The following DNAH6 variants were observed in gnomAD, a reference collection of about 807,000 sequenced individuals.
The protein encoded by DNAH6 is axonemal beta dynein heavy chain 6.
DNAH6 carries 340 observed loss-of-function variants against 491.4 expected under a neutral mutation model. That is an observed-to-expected ratio of 0.69 (90% CI 0.63 to 0.76). The LOEUF (loss-of-function observed/expected upper bound fraction) is 0.76. DNAH6 is among the 30% of genes least tolerant of loss of function. The probability of loss-of-function intolerance (pLI) is 0.00; values close to 1 mark genes in which losing one functional copy is unlikely to be tolerated. For missense variants in DNAH6, 4,443 were observed against 4,972.2 expected, an observed-to-expected ratio of 0.89 and a Z score of 3.20; for synonymous variants, 1,603 against 1,686.1, an observed-to-expected ratio of 0.95 and a Z score of 1.21.
At chr2:84,703,197 A>G (rs779034504) in intron 49 of DNAH6, among the ~76,000 whole-genome samples, 198 bp from the exon 50 acceptor site, 1 of 152,256 alleles carries the variant, frequency 6.6e-6, no homozygotes, top group Non-Finnish European at 1.5e-5. Flanking sequence ...AACAACTGTG[A>G]TGAATGTCAT....
intron 14 of DNAH6, 47 bp downstream of exon 14, chr2:84,579,726 G>A: frequency 6.8e-7 from 1 of 1,473,026 alleles, no homozygotes; most frequent in Non-Finnish European, 9.1e-7. Context: ...TCTTATAGTA[G>A]GAAGGAAGAC....
chr2:84,583,271 A>T (rs10174924), intron 14 of DNAH6, among the ~76,000 whole-genome samples: 2 of 152,284 alleles, frequency 1.3e-5, no homozygotes, highest in Non-Finnish European at 2.9e-5. Flanking sequence ...CTCTGGGATG[A>T]TCACTGCCCA....
In DNAH6 at chr2:84,641,855, AG is replaced by A; in HGVS notation, c.4971-88del. The stretch of plus-strand genomic sequence containing the variant: ...TCTTCTCCTTCTAACAGGAATCCTC[AG>A]GGGAAGGGCTCTGCCCTCCCCACAG... On this transcript the variant is annotated intron_variant, in intron 32 of 76. Transcript: ENST00000389394. The A allele has an allele frequency of 3.1e-6, 3 of 958,152 alleles. No homozygotes were observed. In the South Asian group the frequency reaches 4.7e-5, roughly 15 times the overall value. The allele number at this position is 958,152 out of a possible 1,614,324, so 59.4% of individuals were successfully genotyped here.
chr2:84,554,239 C>T (rs939690243), intron 10 of DNAH6, among the ~76,000 whole-genome samples: 1 of 152,132 alleles, frequency 6.6e-6, no homozygotes, highest in African/African-American at 2.4e-5. Context: ...TTGACTAACT[C>T]GAAAACAACT....
intron 23 of DNAH6, among the ~76,000 whole-genome samples, chr2:84,619,169 G>A (rs1342351107): frequency 6.6e-6 from 1 of 152,170 alleles, no homozygotes; most frequent in Admixed American, 6.5e-5. Context: ...AATTTTCACA[G>A]TAGCACATGC....
intron 12 of DNAH6, among the ~76,000 whole-genome samples, chr2:84,576,718 A>T (rs1391338449): frequency 6.6e-6 from 1 of 152,180 alleles, no homozygotes; most frequent in Admixed American, 6.5e-5. Context: ...AGGCAAGAAG[A>T]TTATCAAAAT....
intron 33 of DNAH6, among the ~76,000 whole-genome samples, chr2:84,644,524 A>G (rs1043443818): frequency 6.6e-6 from 1 of 151,892 alleles, no homozygotes; most frequent in African/African-American, 2.4e-5. Flanking sequence ...TGCTGCACAG[A>G]TCATCCCATC....
Position 84,697,912 on chromosome 2 carries a change from A to G in DNAH6, c.7677+185A>G, listed in dbSNP as rs1695544597. 1.7e-5 allele frequency: 11 copies of G among 633,992 alleles called. No homozygotes were observed. The South Asian group carries it at 2.2e-4, about 13-fold the overall frequency. 39.3% of individuals were successfully genotyped at this position (633,992 alleles called of 1,614,324 possible). A position where few individuals can be genotyped will look rare whatever the true frequency, so the allele number is the denominator to read the frequency against. Reference sequence around the variant, plus strand: ...GCATTGGGTCACCAGACTTCCAGAAAGTTCTGTGGGAAGCAGAAAACAGAA... The same window carrying G: ...GCATTGGGTCACCAGACTTCCAGAAGGTTCTGTGGGAAGCAGAAAACAGAA... On this transcript the variant is annotated intron_variant, in intron 47 of 76. Transcript: ENST00000389394.
the DNAH6 span, among the ~76,000 whole-genome samples, chr2:84,481,665 G>T: frequency 6.6e-6 from 1 of 152,274 alleles, no homozygotes; most frequent in East Asian, 1.9e-4. Context: ...ACACCAAGGA[G>T]GTCAGCTGTT....
intron 37 of DNAH6, among the ~76,000 whole-genome samples, chr2:84,661,766 A>AT (rs1332251475): frequency 1.4e-4 from 22 of 151,876 alleles, no homozygotes; most frequent in East Asian, 3.9e-4. Flanking sequence ...ATCCCAACAG[A>AT]TTTTTTCCAT....
intron 62 of DNAH6, among the ~76,000 whole-genome samples, chr2:84,737,699 TG>T (rs1326865233): frequency 4.6e-5 from 7 of 152,038 alleles, no homozygotes; most frequent in African/African-American, 7.2e-5. Context: ...TTTCTGATTA[TG>T]ATTATGGATC....
At chr2:84,606,800 G>T (rs1315140299) in intron 20 of DNAH6, among the ~76,000 whole-genome samples, 176 bp from the exon 21 acceptor site, 2 of 152,158 alleles carry the variant, frequency 1.3e-5, no homozygotes, top group East Asian at 3.9e-4. Context: ...GAACATCATG[G>T]TGCCACAAGG....
At position 84,637,077 on chromosome 2, in the gene DNAH6, GT is replaced by G. The variant is rs1237102301; in HGVS notation, c.4654-131del. On this transcript the variant is annotated intron_variant, in intron 30 of 76. Coordinates refer to ENST00000389394, the MANE Select transcript of DNAH6 (RefSeq NM_001370.2). Reference sequence around the variant, plus strand: ...CAGGACAGAATCAGAAATGTTCCCTGTTGTCCAACAATGGTATTCAGTAGTC... The same window carrying G: ...CAGGACAGAATCAGAAATGTTCCCTGTGTCCAACAATGGTATTCAGTAGTC... 4 of 710,266 alleles carry G rather than the reference GT, an allele frequency of 5.6e-6. No individual in the cohort carries two copies. In the African/African-American group the frequency reaches 7.2e-5, roughly 13 times the overall value. 44.0% of individuals were successfully genotyped at this position (710,266 alleles called of 1,614,324 possible). A position where few individuals can be genotyped will look rare whatever the true frequency, so the allele number is the denominator to read the frequency against.
intron 64 of DNAH6, among the ~76,000 whole-genome samples, chr2:84,776,146 C>T (rs535852930): frequency 1.1e-4 from 16 of 152,194 alleles, no homozygotes; most frequent in South Asian, 6.2e-4. Context: ...ACAAGACATA[C>T]GATACTGGAT....
intron 70 of DNAH6, among the ~76,000 whole-genome samples, chr2:84,799,830 C>T (rs1437896439): frequency 2.6e-5 from 4 of 152,316 alleles, no homozygotes; most frequent in Admixed American, 6.5e-5. Context: ...AAAGAGGGAG[C>T]GTCTCTCATT....
At chr2:84,817,694 T>C (rs1288310816) in intron 76 of DNAH6, among the ~76,000 whole-genome samples, 1 of 152,242 alleles carries the variant, frequency 6.6e-6, no homozygotes, top group Non-Finnish European at 1.5e-5. Flanking sequence ...AAAAGTTTAT[T>C]TGGCTCATGG....
chr2:84,595,710 T>C lies in DNAH6; in HGVS notation c.2789T>C (p.Val930Ala). The C allele has an allele frequency of 6.4e-7, 1 of 1,551,502 alleles. No homozygotes were observed. Among genetic ancestry groups the C allele is most frequent in the Non-Finnish European group, 8.7e-7 (1 of 1,146,852 alleles). ...CAAGTTTCTAAATATGCTAAATTTGTGACTCAACTGGAAAAAGGCTTGCCA... is the reference window on the plus strand; with the variant it reads ...CAAGTTTCTAAATATGCTAAATTTGCGACTCAACTGGAAAAAGGCTTGCCA... ...NGQVSKYAKF[V>A]TQLEKGLPPN... Residue 930 changes from valine to alanine, a missense_variant, in exon 18 of 77, where the codon GTG (valine) becomes GCG (alanine). Val to Ala is a moderately conservative substitution (Grantham distance 64). Coordinates refer to ENST00000389394, the MANE Select transcript of DNAH6 (RefSeq NM_001370.2).
Position 84,709,390 on chromosome 2 carries a change from C to A in DNAH6, c.9096C>A (p.Ile3032=), listed in dbSNP as rs1297303162. Reference sequence around the variant, plus strand: ...ACTGTCAGTCTCTGGAGATCCCAATCGATCCTTCCTTCAGTCTCATTAACA... The same window carrying A: ...ACTGTCAGTCTCTGGAGATCCCAATAGATCCTTCCTTCAGTCTCATTAACA... ...IQDCQSLEIP[I]DPSFSLINIL... Residue 3032 remains isoleucine (I), a synonymous_variant, in exon 55 of 77, where the codon ATC becomes ATA. Coordinates refer to ENST00000389394, the MANE Select transcript of DNAH6 (RefSeq NM_001370.2). 2.6e-6 allele frequency: 4 copies of A among 1,551,556 alleles called. No individual in the cohort carries two copies. The highest frequency in any genetic ancestry group is 2.6e-6 in the Non-Finnish European group (3 of 1,147,006).
At chr2:84,792,685 G>T (rs1677889367) in intron 68 of DNAH6, among the ~76,000 whole-genome samples, 4 of 152,150 alleles carry the variant, frequency 2.6e-5, no homozygotes, top group Admixed American at 6.5e-5. Flanking sequence ...GGTAAGCCGG[G>T]GGCATATCCT....
Sources: allele counts gnomAD v4.1 joint callset (sites outside exome capture counted in the v4.1 genomes callset), GRCh38; gene constraint gnomAD v4.1.1; transcripts MANE v1.5; gene names NCBI Gene and HGNC (gene_info 2026-07-23, HGNC 2026-07-21).